The following PTPRD variants were observed in gnomAD, a reference collection of about 807,000 sequenced individuals.
The protein encoded by PTPRD is protein tyrosine phosphatase receptor type D, also known as receptor-type tyrosine-protein phosphatase delta.
A neutral mutation model predicts 214.5 loss-of-function variants in PTPRD; 34 were observed. The observed-to-expected ratio is 0.16, with a 90% confidence interval of 0.12 to 0.21. PTPRD has a LOEUF of 0.21. Ranked by LOEUF, PTPRD falls within the 10% of genes least tolerant of loss-of-function variation. The pLI is 1.00. For synonymous variants in PTPRD, 1,128 were observed against 845.7 expected (o/e 1.33, Z -5.79); for missense variants, 2,545 against 2,398.7 (o/e 1.06, Z -1.27).
rs567903094 is a variant in PTPRD, at chr9:10,222,726, T to G, written c.-545+118237A>C. The stretch of plus-strand genomic sequence containing the variant: ...ATGAGTTTAAAAAGCCATGGTCAAA[T>G]GACTATGCAATTCCTAATGGGTATT... On this transcript the variant is annotated intron_variant, in intron 3 of 45. Transcript: ENST00000381196. Among the ~76,000 whole-genome samples the G allele has an allele frequency of 4.6e-5, 7 of 152,126 alleles. 1 individual carries two copies. The highest frequency in any genetic ancestry group is 4.6e-4 in the Admixed American group (7 of 15,234).
chr9:9,273,428 T>C (rs1387044656), intron 9 of PTPRD, among the ~76,000 whole-genome samples: 2 of 151,296 alleles, frequency 1.3e-5, no homozygotes, highest in Non-Finnish European at 3.0e-5. Context: ...TATATATACA[T>C]ACATATAGCA....
chr9:9,722,449 T>C (rs1197828751), intron 7 of PTPRD, among the ~76,000 whole-genome samples: 1 of 152,104 alleles, frequency 6.6e-6, no homozygotes, highest in African/African-American at 2.4e-5. Context: ...CTATACCATA[T>C]TTAAAAAATT....
chr9:10,074,498 A>G (rs1401300104), intron 3 of PTPRD, among the ~76,000 whole-genome samples: 1 of 152,120 alleles, frequency 6.6e-6, no homozygotes, highest in Admixed American at 6.6e-5. Flanking sequence ...ATTATTTTTA[A>G]AAGGTGTGAG....
At chr9:8,340,503 G>A (rs1428283367) in intron 41 of PTPRD, 34 bp from the exon 42 acceptor site, 12 of 1,518,788 alleles carry the variant, frequency 7.9e-6, no homozygotes, top group Non-Finnish European at 1.1e-5. Flanking sequence ...ATGTGTTAAA[G>A]TATTTAGAGA....
intron 5 of PTPRD, among the ~76,000 whole-genome samples, chr9:9,864,197 T>C (rs1222808873): frequency 6.6e-6 from 1 of 152,002 alleles, no homozygotes; most frequent in Non-Finnish European, 1.5e-5. Flanking sequence ...TCCCAGCTAC[T>C]TGGGAAGCTG....
intron 7 of PTPRD, among the ~76,000 whole-genome samples, chr9:9,653,994 T>G (rs1388782194): frequency 6.6e-6 from 1 of 152,160 alleles, no homozygotes; most frequent in African/African-American, 2.4e-5. Context: ...CAGACTTCAC[T>G]TAGAATATGA....
intron 2 of PTPRD, among the ~76,000 whole-genome samples, chr9:10,347,268 T>C (rs975277713): frequency 6.6e-6 from 1 of 152,162 alleles, no homozygotes; most frequent in African/African-American, 2.4e-5. Flanking sequence ...GTATTTTTCC[T>C]CTCAAATTAT....
chr9:8,436,248 T>C (rs962363966), intron 35 of PTPRD, among the ~76,000 whole-genome samples: 1 of 152,176 alleles, frequency 6.6e-6, no homozygotes, highest in Non-Finnish European at 1.5e-5. Context: ...AGGAATAAGC[T>C]TTAGCGATCT....
intron 10 of PTPRD, among the ~76,000 whole-genome samples, chr9:9,093,540 C>G (rs1295033775): frequency 6.6e-6 from 1 of 151,652 alleles, no homozygotes; most frequent in East Asian, 1.9e-4. Context: ...CTAGAAAATT[C>G]CCCAATATCT....
In PTPRD at chr9:10,222,643, G is replaced by C. The variant is rs1051923381; in HGVS notation, c.-545+118320C>G. 1.1e-4 allele frequency among the ~76,000 whole-genome samples: 17 copies of C among 152,130 alleles called. No homozygotes were observed. In the East Asian group the frequency reaches 3.3e-3, roughly 30 times the overall value. On this transcript the variant is annotated intron_variant, in intron 3 of 45. Transcript: ENST00000381196. Reference sequence around the variant, plus strand: ...TTGTTCTGGAGTAGCCCAAGGAACAGAAATCGTAAATGCTCATAGAGGTAA... The same window carrying C: ...TTGTTCTGGAGTAGCCCAAGGAACACAAATCGTAAATGCTCATAGAGGTAA...
At chr9:9,867,266 T>C (rs1188562855) in intron 5 of PTPRD, among the ~76,000 whole-genome samples, 1 of 152,170 alleles carries the variant, frequency 6.6e-6, no homozygotes, top group African/African-American at 2.4e-5. Context: ...ATACGATTCA[T>C]TCTGCTTTTT....
intron 8 of PTPRD, among the ~76,000 whole-genome samples, chr9:9,487,721 T>C (rs954982871): frequency 1.3e-5 from 2 of 152,202 alleles, no homozygotes; most frequent in Non-Finnish European, 1.5e-5. Flanking sequence ...AGTAAGCATA[T>C]GTTCCTCAAC....
intron 2 of PTPRD, among the ~76,000 whole-genome samples, chr9:10,443,640 T>C (rs1043228752): frequency 6.6e-6 from 1 of 151,650 alleles, no homozygotes; most frequent in Non-Finnish European, 1.5e-5. Flanking sequence ...GGAATGCAGA[T>C]AGACATTCTC....
At chr9:9,730,878 G>A (rs530643778) in intron 7 of PTPRD, among the ~76,000 whole-genome samples, 13 of 152,086 alleles carry the variant, frequency 8.5e-5, no homozygotes, top group African/African-American at 2.4e-4. Context: ...CCTGACAAAC[G>A]GTGAAAGCTT....
chr9:8,486,299 G>A lies in PTPRD; in HGVS notation c.2518C>T (p.Leu840Phe), dbSNP rs142009246. The change falls in exon 28 of 46, where the codon CTT becomes TTT. Residue 840 changes from leucine to phenylalanine, a missense_variant. Transcript: ENST00000381196. ...VINHTQMNTALIQWHPPVDTF... is the reference protein window; with the variant it reads ...VINHTQMNTAFIQWHPPVDTF... ...TCCACCGGAGGGTGCCACTGAATAA[G>A]AGCAGTATTCATCTGAGTGTGGTTA... 1.4e-4 allele frequency: 222 copies of A among 1,614,078 alleles called. No homozygotes were observed. Among genetic ancestry groups the A allele is most frequent in the Admixed American group, 4.3e-4 (26 of 60,014 alleles).
At chr9:9,891,963 G>A (rs945765367) in intron 5 of PTPRD, among the ~76,000 whole-genome samples, 1 of 151,934 alleles carries the variant, frequency 6.6e-6, no homozygotes, top group Admixed American at 6.6e-5. Flanking sequence ...ATGTTCCAAG[G>A]CTAAGCTAGA....
At chr9:8,645,439 C>G (rs552860285) in intron 12 of PTPRD, among the ~76,000 whole-genome samples, 1 of 152,328 alleles carries the variant, frequency 6.6e-6, no homozygotes, top group South Asian at 2.1e-4. Flanking sequence ...CACTGATTAA[C>G]TCTCTTCCAT....
chr9:8,449,727 G>C lies in PTPRD; in HGVS notation c.3986C>G (p.Pro1329Arg), dbSNP rs772305581. 1 of 1,613,474 alleles carries C rather than the reference G, an allele frequency of 6.2e-7. No homozygotes were observed. Among genetic ancestry groups the C allele is most frequent in the Non-Finnish European group, 8.5e-7 (1 of 1,179,486 alleles). Reference protein sequence around the residue: ...VELRRLNFQTPGMASHPPIPI... With the variant: ...VELRRLNFQTRGMASHPPIPI... Reference sequence around the variant, plus strand: ...ATTAGATGTGTGATGCTTCTTACCCGGTGTTTGAAAGTTAAGGCGCCTCAG... The same window carrying C: ...ATTAGATGTGTGATGCTTCTTACCCCGTGTTTGAAAGTTAAGGCGCCTCAG... Residue 1329 changes from proline to arginine, a missense_variant and splice_region_variant, in exon 34 of 46, where the codon CCG (proline) becomes CGG (arginine). Pro to Arg is a moderately radical substitution (Grantham distance 103). Coordinates refer to ENST00000381196, the MANE Select transcript of PTPRD (RefSeq NM_002839.4).
At chr9:10,394,215 T>C (rs529536862) in intron 2 of PTPRD, among the ~76,000 whole-genome samples, 1 of 146,620 alleles carries the variant, frequency 6.8e-6, no homozygotes, top group African/African-American at 2.5e-5. Context: ...ATATATAATA[T>C]ATATTTCTAT....
Sources: gnomAD v4.1 joint callset for allele counts (sites outside exome capture counted in the v4.1 genomes callset) on GRCh38, gnomAD v4.1.1 for gene constraint, MANE v1.5 for transcripts, NCBI Gene and HGNC (gene_info 2026-07-23, HGNC 2026-07-21) for gene names.